Variants in NAV3 observed in about 807,000 individuals in gnomAD.
NAV3 encodes neuron navigator 3, also known as pore membrane and/or filament interacting like protein 1.
A neutral mutation model predicts 244.7 loss-of-function variants in NAV3; 87 were observed. The observed-to-expected ratio is 0.36, with a 90% confidence interval of 0.30 to 0.42. The LOEUF (loss-of-function observed/expected upper bound fraction) is 0.42. Among genes scored for constraint, NAV3 ranks in the 20% least tolerant of loss-of-function variants. The pLI, the probability that NAV3 is intolerant of heterozygous loss-of-function variation, is 1.00. For missense variants in NAV3, 2,663 were observed against 2,893.3 expected, an observed-to-expected ratio of 0.92 and a Z score of 1.83; for synonymous variants, 1,126 against 1,042.2, an observed-to-expected ratio of 1.08 and a Z score of -1.55.
chr12:78,092,634 G>A (rs1954017341), intron 12 of NAV3, among the ~76,000 whole-genome samples: 1 of 151,330 alleles, frequency 6.6e-6, no homozygotes, highest in Admixed American at 6.6e-5. Flanking sequence ...CGAGTAGCTG[G>A]GACTACAGGC....
intron 2 of NAV3, among the ~76,000 whole-genome samples, chr12:77,714,086 GA>G (rs1193394262): frequency 1.3e-5 from 2 of 151,950 alleles, no homozygotes; most frequent in Non-Finnish European, 2.9e-5. Flanking sequence ...ATTATACCTA[GA>G]GGGCATGACT....
intron 20 of NAV3, among the ~76,000 whole-genome samples, chr12:78,144,636 T>C (rs938628819): frequency 2.0e-5 from 3 of 151,992 alleles, no homozygotes; most frequent in Non-Finnish European, 4.4e-5. Context: ...ATGATTATGC[T>C]TGCTACTAGT....
At chr12:78,090,841 G>A (rs766365238) in intron 12 of NAV3, among the ~76,000 whole-genome samples, 14 of 147,096 alleles carry the variant, frequency 9.5e-5, no homozygotes, top group African/African-American at 1.6e-4. Flanking sequence ...TGAAAATTCC[G>A]TAACAGTCTT....
intron 20 of NAV3, 37 bp downstream of exon 20, chr12:78,140,371 G>T (rs770681717): frequency 6.0e-6 from 9 of 1,507,780 alleles, no homozygotes; most frequent in Non-Finnish European, 8.3e-6. Context: ...TTGTGCTTTT[G>T]CCATGCACAC....
Position 78,047,347 on chromosome 12 carries a change from C to T in NAV3, c.2024-2646C>T, listed in dbSNP as rs1454452574. Among the ~76,000 whole-genome samples, 3 of 151,836 alleles carry T rather than the reference C, an allele frequency of 2.0e-5. No homozygotes were observed. In the South Asian group the frequency reaches 6.2e-4, roughly 32 times the overall value. ...CTAAAAATACAAAAAATTAGCCAGGCCTGGCAACGGGTGCCTGTAGTCCCA... is the reference window on the plus strand; with the variant it reads ...CTAAAAATACAAAAAATTAGCCAGGTCTGGCAACGGGTGCCTGTAGTCCCA... On this transcript the variant is annotated intron_variant, in intron 9 of 39. Transcript: ENST00000397909.
At chr12:77,800,217 G>T (rs906278161) in intron 2 of NAV3, among the ~76,000 whole-genome samples, 1 of 152,012 alleles carries the variant, frequency 6.6e-6, no homozygotes, top group Non-Finnish European at 1.5e-5. Context: ...AAGGCCAAAA[G>T]GGAAAAGGGG....
At position 77,784,578 on chromosome 12, in the gene NAV3, G is replaced by A. The variant is rs574074713; in HGVS notation, c.73-155741G>A. ...ATCTATTGGGACACTTCACTGGCTTGGACAGAGAAGAAGGATAGTTCTTCA... is the reference window on the plus strand; with the variant it reads ...ATCTATTGGGACACTTCACTGGCTTAGACAGAGAAGAAGGATAGTTCTTCA... On this transcript the variant is annotated intron_variant, in intron 2 of 8. Transcript: ENST00000550042. Among the ~76,000 whole-genome samples the A allele has an allele frequency of 9.9e-5, 15 of 152,228 alleles. No individual in the cohort carries two copies. The South Asian group carries it at 3.1e-3, about 32-fold the overall frequency.
intron 2 of NAV3, among the ~76,000 whole-genome samples, chr12:77,628,910 A>T (rs1871760832): frequency 6.6e-6 from 1 of 152,030 alleles, no homozygotes. Context: ...TCCAAAAAAA[A>T]AAAAAAAGAA....
chr12:77,999,976 G>T (rs570536853), intron 7 of NAV3, among the ~76,000 whole-genome samples: 1 of 152,284 alleles, frequency 6.6e-6, no homozygotes, highest in African/African-American at 2.4e-5. Flanking sequence ...TGATATTCTA[G>T]CAAGAAATTA....
intron 2 of NAV3, among the ~76,000 whole-genome samples, chr12:77,812,395 C>G (rs1461604875): frequency 2.0e-5 from 3 of 151,920 alleles, no homozygotes; most frequent in African/African-American, 7.3e-5. Flanking sequence ...TGAGGAATTT[C>G]ATTTCTTTCT....
intron 2 of NAV3, among the ~76,000 whole-genome samples, chr12:77,635,990 CA>C (rs1396186759): frequency 2.0e-5 from 3 of 152,058 alleles, no homozygotes; most frequent in Admixed American, 6.5e-5. Context: ...AACATTCAAC[CA>C]GTTTATAAGC....
chr12:78,084,074 T>C (rs1354210121), intron 12 of NAV3, among the ~76,000 whole-genome samples: 1 of 152,216 alleles, frequency 6.6e-6, no homozygotes, highest in Non-Finnish European at 1.5e-5. Flanking sequence ...TTTCATAGTA[T>C]GTTCATGACT....
chr12:78,082,108 G>A (rs1953385143), intron 12 of NAV3, among the ~76,000 whole-genome samples: 1 of 152,134 alleles, frequency 6.6e-6, no homozygotes, highest in African/African-American at 2.4e-5. Flanking sequence ...TTATAAAGGG[G>A]AGTTCCCCTA....
At chr12:77,736,871 A>G (rs1395735331) in intron 2 of NAV3, among the ~76,000 whole-genome samples, 1 of 152,092 alleles carries the variant, frequency 6.6e-6, no homozygotes, top group African/African-American at 2.4e-5. Context: ...GTCAGGTAGG[A>G]CTCTTGGGCA....
At chr12:77,611,007 A>T (rs1292892448) in intron 2 of NAV3, among the ~76,000 whole-genome samples, 1 of 150,910 alleles carries the variant, frequency 6.6e-6, no homozygotes, top group East Asian at 1.9e-4. Flanking sequence ...AAAAAAAAAA[A>T]CCTATTAGAA....
chr12:78,163,729 G>T (rs1957663392), intron 23 of NAV3, among the ~76,000 whole-genome samples: 1 of 152,090 alleles, frequency 6.6e-6, no homozygotes, highest in African/African-American at 2.4e-5. Context: ...TAATGTGCTT[G>T]CTGGGGAGTG....
At chr12:77,708,503 C>G (rs1305984327) in intron 2 of NAV3, among the ~76,000 whole-genome samples, 1 of 152,158 alleles carries the variant, frequency 6.6e-6, no homozygotes, top group Non-Finnish European at 1.5e-5. Flanking sequence ...ATGCCTCCAG[C>G]TTTGTTCTTT....
At chr12:77,919,159 A>G (rs1887462515) in intron 1 of NAV3, among the ~76,000 whole-genome samples, 1 of 152,084 alleles carries the variant, frequency 6.6e-6, no homozygotes, top group Non-Finnish European at 1.5e-5. Flanking sequence ...AAGTGAACAA[A>G]CAACAAATAT....
rs142263878 is a variant in NAV3 at position 77,937,947 on chromosome 12, A to ATTT, written c.244-2369_244-2367dup. Among the ~76,000 whole-genome samples, 637 of 152,200 alleles carry ATTT rather than the reference A, an allele frequency of 4.2e-3. 5 individuals carry two copies. Among genetic ancestry groups the ATTT allele is most frequent in the African/African-American group, 0.015 (613 of 41,538 alleles). On this transcript the variant is annotated intron_variant, in intron 1 of 39. Transcript: ENST00000397909. The stretch of plus-strand genomic sequence containing the variant: ...GGCACAATCCTATAATGTAAGTATT[A>ATTT]TTTTTCTCCTTGTTTTACAACAAGA...
Sources: gnomAD v4.1 joint callset for allele counts (sites outside exome capture counted in the v4.1 genomes callset) on GRCh38, gnomAD v4.1.1 for gene constraint, MANE v1.5 for transcripts, NCBI Gene and HGNC (gene_info 2026-07-23, HGNC 2026-07-21) for gene names.